FOXF2: variants seen among roughly 807,000 people sequenced by gnomAD.
FOXF2 encodes forkhead box protein F2.
In FOXF2, 15 loss-of-function variants were observed where a neutral mutation model predicts 29.1. The ratio of observed to expected loss-of-function variants is 0.52; its 90% CI spans 0.35 to 0.79. The LOEUF is 0.79. FOXF2 is among the 30% of genes least tolerant of loss of function. The probability of loss-of-function intolerance (pLI) is 0.01; values close to 1 mark genes in which losing one functional copy is unlikely to be tolerated. For synonymous variants in FOXF2, 337 were observed against 316.5 expected (o/e 1.06, Z -0.69); for missense variants, 675 against 667.1 (o/e 1.01, Z -0.13).
Position 1,394,702 on chromosome 6 carries a change from T to G in FOXF2, c.1178T>G (p.Leu393Arg), listed in dbSNP as rs1758864008. The change falls in exon 2 of 2, where the codon CTG becomes CGG. Residue 393 changes from leucine to arginine, a missense_variant. Transcript: ENST00000645481. ...QNAREDLSVG[L>R]PRYQHHSTPV... The stretch of plus-strand genomic sequence containing the variant: ...TTTTTCTTTCTTCTTTCAGTGGGAC[T>G]GCCCCGTTACCAGCATCACTCTACT... 2 of 1,614,008 alleles carry G rather than the reference T, an allele frequency of 1.2e-6. No individual in the cohort carries two copies.
Position 1,390,412 on chromosome 6 carries a change from C to T in FOXF2, c.465C>T (p.Asn155=), listed in dbSNP as rs1362901085. ...KNSVRHNLSL[N]ECFIKLPKGL... is the part of the protein sequence containing the mutation. Reference sequence around the variant, plus strand: ...CGGTGCGCCACAATCTCTCGCTCAACGAGTGCTTCATCAAGCTGCCTAAGG... The same window carrying T: ...CGGTGCGCCACAATCTCTCGCTCAATGAGTGCTTCATCAAGCTGCCTAAGG... Residue 155 remains asparagine (N), a synonymous_variant, in exon 1 of 2, where the codon AAC becomes AAT. Transcript: ENST00000645481. The surrounding 1 kb of genome is among the most constrained non-coding windows in gnomAD (Gnocchi z 8.5). The T allele has an allele frequency of 1.9e-6, 3 of 1,611,858 alleles. No homozygotes were observed. Among genetic ancestry groups the T allele is most frequent in the Admixed American group, 1.7e-5 (1 of 60,002 alleles).
Position 1,390,408 on chromosome 6 carries a change from T to G in FOXF2, c.461T>G (p.Leu154Arg). Residue 154 changes from leucine (L) to arginine (R), a missense_variant, in exon 1 of 2, where the codon CTC becomes CGC. By Grantham distance (102) the Leu-to-Arg change is moderately radical. This residue lies in a region of FOXF2 where 451 missense variants were observed against 437.2 expected (regional missense o/e 1.03). Coordinates refer to ENST00000645481, the MANE Select transcript of FOXF2 (RefSeq NM_001452.2). The surrounding 1 kb of genome is among the most constrained non-coding windows in gnomAD (Gnocchi z 8.5). ...AACTCGGTGCGCCACAATCTCTCGCTCAACGAGTGCTTCATCAAGCTGCCT... is the reference window on the plus strand; with the variant it reads ...AACTCGGTGCGCCACAATCTCTCGCGCAACGAGTGCTTCATCAAGCTGCCT... The part of the protein sequence containing the change: ...WKNSVRHNLS[L>R]NECFIKLPKG... The G allele has an allele frequency of 1.2e-6, 2 of 1,611,868 alleles. No homozygotes were observed. Among genetic ancestry groups the G allele is most frequent in the Non-Finnish European group, 1.7e-6 (2 of 1,179,900 alleles).
At position 1,390,233 on chromosome 6, in the gene FOXF2, C is replaced by G. The variant is rs2113367513; in HGVS notation, c.286C>G (p.Arg96Gly). ...CGCCAAGAAGGCGAGCTCGGGGCTG[C>G]GGCGGCCCGAGAAGCCGCCCTACTC... is the stretch of plus-strand genomic sequence containing the variant. ...GGAKKASSGL[R>G]RPEKPPYSYI... is the part of the protein sequence containing the mutation. Residue 96 changes from arginine (R) to glycine (G), a missense_variant, in exon 1 of 2, where the codon CGG becomes GGG. This residue lies in a region of FOXF2 where 220 missense variants were observed against 205.5 expected (regional missense o/e 1.07). Coordinates refer to ENST00000645481, the MANE Select transcript of FOXF2 (RefSeq NM_001452.2). This position sits in a 1 kb window ranked among gnomAD's most constrained non-coding sequence, Gnocchi z 8.5. 6.3e-7 allele frequency: 1 copy of G among 1,598,448 alleles called. No individual in the cohort carries two copies. Among genetic ancestry groups the G allele is most frequent in the Non-Finnish European group, 8.5e-7 (1 of 1,175,098 alleles).
intron 1 of FOXF2, among the ~76,000 whole-genome samples, chr6:1,392,854 A>AC (rs1263920923): frequency 1.3e-5 from 2 of 152,034 alleles, no homozygotes; most frequent in Non-Finnish European, 2.9e-5. Flanking sequence ...GCCTCGCAGA[A>AC]CCCCCGACCG....
chr6:1,392,434 T>TCACACACACACACACACA (rs71738664), intron 1 of FOXF2, among the ~76,000 whole-genome samples: 86 of 107,764 alleles, frequency 8.0e-4, no homozygotes, highest in African/African-American at 2.5e-3. Flanking sequence ...CGGCTGTCAA[T>TCACACACACACACACACA]CACACACACA....
Position 1,395,120 on chromosome 6 carries a change from A to G in FOXF2, c.*261A>G. 1 of 536,276 alleles carries G rather than the reference A, an allele frequency of 1.9e-6. No homozygotes were observed. Among genetic ancestry groups the G allele is most frequent in the Non-Finnish European group, 3.4e-6 (1 of 296,458 alleles). The allele number at this position is 536,276 out of a possible 1,614,324, so 33.2% of individuals were successfully genotyped here. On this transcript the variant is annotated 3_prime_UTR_variant, in exon 2 of 2. Coordinates refer to ENST00000645481, the MANE Select transcript of FOXF2 (RefSeq NM_001452.2). ...GGAGAGGGCAGACTCAGGTGGGAAG[A>G]TGTGCCATGCGTAAGGCATCAACGT...
Position 1,395,093 on chromosome 6 carries a change from AG to A in FOXF2, c.*237del, listed in dbSNP as rs1402663406. The A allele has an allele frequency of 1.8e-5, 10 of 569,826 alleles. No homozygotes were observed. The highest frequency in any genetic ancestry group is 2.5e-5 in the Non-Finnish European group (8 of 317,472). 35.3% of individuals were successfully genotyped at this position (569,826 alleles called of 1,614,324 possible). Reference sequence around the variant, plus strand: ...CTGAATACCTGCAGGCTCCCACATGAGGGAGAGGGCAGACTCAGGTGGGAAG... The same window carrying A: ...CTGAATACCTGCAGGCTCCCACATGAGGAGAGGGCAGACTCAGGTGGGAAG... On this transcript the variant is annotated 3_prime_UTR_variant, in exon 2 of 2. Coordinates refer to ENST00000645481, the MANE Select transcript of FOXF2 (RefSeq NM_001452.2).
Position 1,390,364 on chromosome 6 carries a change from C to G in FOXF2, c.417C>G (p.Gly139=), listed in dbSNP as rs376505537. The G allele has an allele frequency of 1.9e-6, 3 of 1,612,576 alleles. No homozygotes were observed. The highest frequency in any genetic ancestry group is 2.5e-6 in the Non-Finnish European group (3 of 1,179,962). The change falls in exon 1 of 2, where the codon GGC becomes GGG. Residue 139 remains glycine, a synonymous_variant. Coordinates refer to ENST00000645481, the MANE Select transcript of FOXF2 (RefSeq NM_001452.2). This position sits in a 1 kb window ranked among gnomAD's most constrained non-coding sequence, Gnocchi z 8.5. ...AGGCGCGCTTCCCCTTCTTCCGCGG[C>G]GCCTACCAGGGCTGGAAGAACTCGG... ...FLQARFPFFR[G]AYQGWKNSVR... is the part of the protein sequence containing the mutation.
At position 1,392,467 on chromosome 6, in the gene FOXF2, CA is replaced by C. The variant is rs1476398340; in HGVS notation, c.1171+1350del. 7.6e-4 allele frequency among the ~76,000 whole-genome samples: 115 copies of C among 150,906 alleles called. 1 individual carries two copies. The East Asian group carries it at 0.013, about 17-fold the overall frequency. On this transcript the variant is annotated intron_variant, in intron 1 of 1. Coordinates refer to ENST00000645481, the MANE Select transcript of FOXF2 (RefSeq NM_001452.2). ...ACACACACACACACACACACACACACACACACACACCCCTCGGTGCACTGGC... is the reference window on the plus strand; with the variant it reads ...ACACACACACACACACACACACACACCACACACACCCCTCGGTGCACTGGC...
At chr6:1,391,235 T>G in intron 1 of FOXF2, 117 bp downstream of exon 1, 1 of 1,519,050 alleles carries the variant, frequency 6.6e-7, no homozygotes, top group Non-Finnish European at 8.8e-7. Flanking sequence ...CTGAGGGCAC[T>G]GGGAAAAGCA....
In FOXF2 at chr6:1,390,680, G is replaced by T; in HGVS notation, c.733G>T (p.Gly245Cys). Residue 245 changes from glycine to cysteine, a missense_variant, in exon 1 of 2, where the codon GGC (glycine) becomes TGC (cysteine). By Grantham distance (159) the Gly-to-Cys change is radical (BLOSUM62 -3). Around this residue, in one of 3 missense-constraint regions of FOXF2, gnomAD observed 451 missense variants for 437.2 expected, o/e 1.03. Coordinates refer to ENST00000645481, the MANE Select transcript of FOXF2 (RefSeq NM_001452.2). The surrounding 1 kb of genome is among the most constrained non-coding windows in gnomAD (Gnocchi z 8.5). ...LGCHSQGGYG[G>C]LDMMPAGYDA... is the part of the protein sequence containing the mutation. ...CTGCCACAGCCAGGGCGGCTACGGC[G>T]GCCTCGACATGATGCCCGCGGGCTA... 6.5e-7 allele frequency: 1 copy of T among 1,527,374 alleles called. No homozygotes were observed. The highest frequency in any genetic ancestry group is 1.2e-5 in the South Asian group (1 of 83,486). 94.6% of individuals were successfully genotyped at this position (1,527,374 alleles called of 1,614,324 possible). A position where few individuals can be genotyped will look rare whatever the true frequency, so the allele number is the denominator to read the frequency against.
chr6:1,390,646 G>A lies in FOXF2; in HGVS notation c.699G>A (p.Ala233=), dbSNP rs763750893. The A allele has an allele frequency of 8.9e-6, 14 of 1,572,608 alleles. No individual in the cohort carries two copies. The highest frequency in any genetic ancestry group is 1.2e-5 in the Non-Finnish European group (14 of 1,168,082). The part of the protein sequence containing the change: ...QGFDFQAPPS[A]PLGCHSQGGY... ...TCGACTTCCAGGCGCCCCCGTCGGCGCCGCTCGGCTGCCACAGCCAGGGCG... is the reference window on the plus strand; with the variant it reads ...TCGACTTCCAGGCGCCCCCGTCGGCACCGCTCGGCTGCCACAGCCAGGGCG... The change falls in exon 1 of 2, where the codon GCG becomes GCA. Residue 233 remains alanine, a synonymous_variant. Coordinates refer to ENST00000645481, the MANE Select transcript of FOXF2 (RefSeq NM_001452.2). This position sits in a 1 kb window ranked among gnomAD's most constrained non-coding sequence, Gnocchi z 8.5.
chr6:1,395,346 C>A lies in FOXF2; in HGVS notation c.*487C>A. 1 of 165,712 alleles carries A rather than the reference C, an allele frequency of 6.0e-6. No individual in the cohort carries two copies. The highest frequency in any genetic ancestry group is 1.6e-4 in the South Asian group (1 of 6,070). The allele number at this position is 165,712 out of a possible 1,614,324, so 10.3% of individuals were successfully genotyped here. On this transcript the variant is annotated 3_prime_UTR_variant, in exon 2 of 2. Coordinates refer to ENST00000645481, the MANE Select transcript of FOXF2 (RefSeq NM_001452.2). ...CAGACACTACATTTGGATACAGGTG[C>A]CAAAGAACATTATTAAGGAATTATT...
chr6:1,394,660 G>A, intron 1 of FOXF2, 36 bp from the exon 2 acceptor site: 1 of 1,611,848 alleles, frequency 6.2e-7, no homozygotes. Context: ...GGATGACTTT[G>A]TTTCTGAAGA....
At position 1,395,163 on chromosome 6, in the gene FOXF2, G is replaced by T; in HGVS notation, c.*304G>T. The stretch of plus-strand genomic sequence containing the variant: ...ATCAACGTGTATCTGTGGGATCTTC[G>T]TTGCCTTCAGTAATCAGGGTGTGAA... On this transcript the variant is annotated 3_prime_UTR_variant, in exon 2 of 2. Coordinates refer to ENST00000645481, the MANE Select transcript of FOXF2 (RefSeq NM_001452.2). The T allele has an allele frequency of 2.4e-6, 1 of 422,088 alleles. No homozygotes were observed. The highest frequency in any genetic ancestry group is 4.4e-6 in the Non-Finnish European group (1 of 228,370). The allele number at this position is 422,088 out of a possible 1,614,324, so 26.1% of individuals were successfully genotyped here.
rs775428059 is a variant in FOXF2, at chr6:1,391,017, C to T, written c.1070C>T (p.Pro357Leu). 2.0e-5 allele frequency: 32 copies of T among 1,598,650 alleles called. No homozygotes were observed. In the South Asian group the frequency reaches 3.3e-4, roughly 17 times the overall value. The part of the protein sequence containing the change: ...PYLKQPPALT[P>L]SSNPAASAGL... Reference sequence around the variant, plus strand: ...CTCAAGCAGCCGCCTGCCCTGACGCCCAGCAGCAACCCCGCCGCCTCGGCA... The same window carrying T: ...CTCAAGCAGCCGCCTGCCCTGACGCTCAGCAGCAACCCCGCCGCCTCGGCA... Residue 357 changes from proline (P) to leucine (L), a missense_variant, in exon 1 of 2, where the codon CCC (proline) becomes CTC (leucine). Around this residue, in one of 3 missense-constraint regions of FOXF2, gnomAD observed 451 missense variants for 437.2 expected, o/e 1.03. Coordinates refer to ENST00000645481, the MANE Select transcript of FOXF2 (RefSeq NM_001452.2).
In FOXF2 at chr6:1,394,835, G is replaced by A; in HGVS notation, c.1311G>A (p.Gln437=). 1.9e-6 allele frequency: 3 copies of A among 1,614,226 alleles called. No individual in the cohort carries two copies. The highest frequency in any genetic ancestry group is 2.5e-6 in the Non-Finnish European group (3 of 1,180,040). ...YYHHHHQSVC[Q]DIKPCVM is the part of the protein sequence containing the mutation. ...ACCATCACCACCAGAGCGTCTGTCA[G>A]GATATTAAGCCCTGCGTCATGTGAA... is the stretch of plus-strand genomic sequence containing the variant. The change falls in exon 2 of 2, where the codon CAG becomes CAA. Residue 437 remains glutamine, a synonymous_variant. Transcript: ENST00000645481.
chr6:1,392,476 A>ACAC lies in FOXF2; in HGVS notation c.1171+1359_1171+1360insACC, dbSNP rs57146251. 1.3e-4 allele frequency among the ~76,000 whole-genome samples: 18 copies of ACAC among 139,978 alleles called. No individual in the cohort carries two copies. In the East Asian group the frequency reaches 2.0e-3, roughly 15 times the overall value. The allele number at this position is 139,978 out of a possible 152,430, so 91.8% of individuals were successfully genotyped here. A position where few individuals can be genotyped will look rare whatever the true frequency, so the allele number is the denominator to read the frequency against. On this transcript the variant is annotated intron_variant, in intron 1 of 1. Transcript: ENST00000645481. ...CACACACACACACACACACACACAC[A>ACAC]CCCCTCGGTGCACTGGCCCCTTCCC...
chr6:1,391,071 C>T lies in FOXF2; in HGVS notation c.1124C>T (p.Ser375Leu), dbSNP rs753075213. 12 of 1,603,372 alleles carry T rather than the reference C, an allele frequency of 7.5e-6. No homozygotes were observed. Among genetic ancestry groups the T allele is most frequent in the Non-Finnish European group, 5.9e-6 (7 of 1,179,316 alleles). ...AGLHSSMSSY[S>L]LEQSYLHQNA... ...CTGCACTCCAGCATGTCCTCCTACT[C>T]GCTGGAGCAGAGCTACTTGCACCAG... The change falls in exon 1 of 2, where the codon TCG becomes TTG. Residue 375 changes from serine (S) to leucine (L), a missense_variant. This residue lies in a region of FOXF2 where 451 missense variants were observed against 437.2 expected (regional missense o/e 1.03). Transcript: ENST00000645481.
Sources: gnomAD v4.1 joint callset for allele counts (sites outside exome capture counted in the v4.1 genomes callset) on GRCh38, gnomAD v4.1.1 for gene constraint, gnomAD v4.1.1 regional missense constraint, Gnocchi (gnomAD v3.1) non-coding constraint, MANE v1.5 for transcripts, NCBI Gene and HGNC (gene_info 2026-07-23, HGNC 2026-07-21) for gene names.